The following MAPK9 variants were observed in gnomAD, a reference collection of about 807,000 sequenced individuals.
MAPK9 encodes the protein Jun kinase.
Under a neutral mutation model 57.1 loss-of-function variants are expected in MAPK9, and 30 were observed. The ratio of observed to expected loss-of-function variants is 0.53; its 90% confidence interval spans 0.39 to 0.71. The LOEUF is 0.71. Among genes scored for constraint, MAPK9 ranks in the 30% least tolerant of loss-of-function variants. MAPK9 has a pLI of 0.00. For synonymous variants in MAPK9, 155 were observed against 177.0 expected, an observed-to-expected ratio of 0.88 and a Z score of 0.99; for missense variants, 362 against 521.0, an observed-to-expected ratio of 0.69 and a Z score of 2.97.
intron 1 of MAPK9, among the ~76,000 whole-genome samples, chr5:180,291,578 C>T (rs371731987): frequency 5.3e-5 from 8 of 152,196 alleles, no homozygotes; most frequent in East Asian, 1.9e-4. Flanking sequence ...GCTGTCTGCC[C>T]CACCTCCGGG....
rs139677771 is a variant in MAPK9 at position 180,262,764 on chromosome 5, T to C, written c.312-942A>G. 1.6e-3 allele frequency among the ~76,000 whole-genome samples: 246 copies of C among 152,230 alleles called. 1 individual carries two copies. The highest frequency in any genetic ancestry group is 5.8e-3 in the African/African-American group (239 of 41,560). The stretch of plus-strand genomic sequence containing the variant: ...CTCCCATTTTTTTCTTAATCCCACT[T>C]GGATCAGGTTTGTGCAGCCACCATT... On this transcript the variant is annotated intron_variant, in intron 4 of 11. Transcript: ENST00000452135.
chr5:180,273,813 A>G (rs1465170352), intron 2 of MAPK9, among the ~76,000 whole-genome samples: 1 of 152,218 alleles, frequency 6.6e-6, no homozygotes, highest in Non-Finnish European at 1.5e-5. Flanking sequence ...ACTCTGTTTC[A>G]GGGCTAGTCC....
intron 1 of MAPK9, among the ~76,000 whole-genome samples, chr5:180,285,800 C>T (rs751914889): frequency 3.3e-5 from 5 of 151,314 alleles, no homozygotes; most frequent in Admixed American, 2.6e-4. Flanking sequence ...AAAATCTGGC[C>T]GGGTGCGGTG....
chr5:180,241,002 A>G, intron 9 of MAPK9, 29 bp downstream of exon 9: 1 of 1,606,356 alleles, frequency 6.2e-7, no homozygotes, highest in South Asian at 1.1e-5. Context: ...TGGCCTCTCT[A>G]TATAAATCTT....
chr5:180,261,913 C>T (rs942856494), intron 4 of MAPK9, 91 bp from the exon 5 acceptor site: 6 of 1,053,382 alleles, frequency 5.7e-6, no homozygotes, highest in East Asian at 2.6e-5. Flanking sequence ...CTTCCAATCA[C>T]TGCACTGGCT....
chr5:180,241,233 C>A, intron 8 of MAPK9, 78 bp from the exon 9 acceptor site: 1 of 1,306,970 alleles, frequency 7.7e-7, no homozygotes, highest in Non-Finnish European at 1.1e-6. Context: ...CTAAATATGA[C>A]AACACAGATA....
At chr5:180,274,523 C>G (rs1265550119) in intron 2 of MAPK9, among the ~76,000 whole-genome samples, 1 of 152,180 alleles carries the variant, frequency 6.6e-6, no homozygotes, top group East Asian at 1.9e-4. Flanking sequence ...TGGGAGCAGA[C>G]AGCAGCGCCT....
At chr5:180,262,067 C>T (rs909656403) in intron 4 of MAPK9, among the ~76,000 whole-genome samples, 6 of 151,498 alleles carry the variant, frequency 4.0e-5, no homozygotes, top group Non-Finnish European at 8.8e-5. Flanking sequence ...ATCTCAAACA[C>T]AAATTTTCCT....
In MAPK9 at chr5:180,247,521, A is replaced by G; in HGVS notation, c.617-11T>C. 1.2e-6 allele frequency: 2 copies of G among 1,610,626 alleles called. No homozygotes were observed. Among genetic ancestry groups the G allele is most frequent in the South Asian group, 2.2e-5 (2 of 90,898 alleles). On this transcript the variant is annotated splice_polypyrimidine_tract_variant and intron_variant, in intron 6 of 11. Transcript: ENST00000452135. This position sits in a 1 kb window ranked among gnomAD's most constrained non-coding sequence, Gnocchi z 4.5. ...CTGACCAGATATCAACTGAAAATAA[A>G]ATGAAATGATAAAATTATGAAGTGC...
At chr5:180,280,311 C>T (rs921619134) in intron 2 of MAPK9, 129 bp downstream of exon 2, 124 of 1,237,630 alleles carry the variant, frequency 1.0e-4, no homozygotes, top group Non-Finnish European at 1.3e-4. Context: ...GCAGTTGATT[C>T]AATTTAGCTC....
intron 4 of MAPK9, among the ~76,000 whole-genome samples, chr5:180,262,386 GA>G (rs33943370): frequency 0.49 from 73,665 of 151,766 alleles, 18,563 homozygotes; most frequent in East Asian, 0.74. Flanking sequence ...ACTCCCCAAA[GA>G]GGTGTCTCAT....
intron 5 of MAPK9, among the ~76,000 whole-genome samples, chr5:180,250,565 G>T (rs923351090): frequency 6.6e-6 from 1 of 152,168 alleles, no homozygotes; most frequent in African/African-American, 2.4e-5. Context: ...TGGGCCACAA[G>T]GGGGGTTGCA....
chr5:180,288,411 T>A (rs1762956068), intron 1 of MAPK9, among the ~76,000 whole-genome samples: 1 of 152,206 alleles, frequency 6.6e-6, no homozygotes, highest in Non-Finnish European at 1.5e-5. Context: ...TAAGGAAACC[T>A]AAAATTCATG....
chr5:180,254,331 G>A (rs941359488), intron 5 of MAPK9, among the ~76,000 whole-genome samples: 1 of 152,098 alleles, frequency 6.6e-6, no homozygotes, highest in African/African-American at 2.4e-5. Context: ...GTGACAGGGA[G>A]GGACCTAACA....
chr5:180,282,789 G>A (rs1762420189), intron 1 of MAPK9, among the ~76,000 whole-genome samples: 1 of 152,214 alleles, frequency 6.6e-6, no homozygotes, highest in Non-Finnish European at 1.5e-5. Flanking sequence ...CGCTGTGGAT[G>A]GTGAGGTACC....
At chr5:180,254,038 C>T (rs1759006007) in intron 5 of MAPK9, among the ~76,000 whole-genome samples, 1 of 146,540 alleles carries the variant, frequency 6.8e-6, no homozygotes, top group South Asian at 2.1e-4. Flanking sequence ...ACTATCTCAG[C>T]TCACTGCAAC....
intron 6 of MAPK9, 54 bp downstream of exon 6, chr5:180,248,919 C>T: frequency 6.5e-7 from 1 of 1,537,752 alleles, no homozygotes; most frequent in Non-Finnish European, 8.8e-7. Context: ...CTCGAGACCA[C>T]CGCTAGAGCA....
At chr5:180,283,986 T>C (rs1271937034) in intron 1 of MAPK9, among the ~76,000 whole-genome samples, 1 of 152,178 alleles carries the variant, frequency 6.6e-6, no homozygotes, top group Non-Finnish European at 1.5e-5. Flanking sequence ...GGTACCCTTA[T>C]TATGCAGGAG....
intron 3 of MAPK9, among the ~76,000 whole-genome samples, chr5:180,265,405 G>A (rs1307240790): frequency 6.6e-6 from 1 of 152,192 alleles, no homozygotes; most frequent in Non-Finnish European, 1.5e-5. Flanking sequence ...CTGGTGGGAG[G>A]TGACTGGATC....
Sources: allele counts gnomAD v4.1 joint callset (sites outside exome capture counted in the v4.1 genomes callset), GRCh38; gene constraint gnomAD v4.1.1; non-coding constraint Gnocchi (gnomAD v3.1); transcripts MANE v1.5; gene names NCBI Gene and HGNC (gene_info 2026-07-23, HGNC 2026-07-21).